Variants in DPYSL4 observed in about 807,000 individuals in gnomAD.
The protein encoded by DPYSL4 is dihydropyrimidinase-related protein 4.
In DPYSL4, 43 loss-of-function variants were observed where a neutral mutation model predicts 63.4. The observed-to-expected ratio is 0.68, with a 90% CI of 0.53 to 0.88. The LOEUF is 0.88. DPYSL4 is among the 40% of genes least tolerant of loss of function. The probability of loss-of-function intolerance (pLI) is 0.00; values close to 1 mark genes in which losing one functional copy is unlikely to be tolerated. For missense variants in DPYSL4, 733 were observed against 819.5 expected (o/e 0.89, Z 1.29); for synonymous variants, 353 against 331.7 (o/e 1.06, Z -0.70).
At chr10:132,197,124 TGGGGCAGGCACAGGGGCTGCC>T (rs2061956491) in intron 6 of DPYSL4, 23 bp downstream of exon 6, 4 of 1,472,858 alleles carry the variant, frequency 2.7e-6, no homozygotes, top group Non-Finnish European at 3.6e-6. Flanking sequence ...AGGGCTGCCG[TGGGGCAGGCACAGGGGCTGCC>T]GTGGGGCAGG....
At position 132,202,694 on chromosome 10, in the gene DPYSL4, G is replaced by A. The variant is rs2062035458; in HGVS notation, c.1330G>A (p.Ala444Thr). ...GGGAGTGGAGTGCCGGGGAGCGCCT[G>A]CCGTGGTCATAAGTCAGGGCCGAGT... ...FEGVECRGAP[A>T]VVISQGRVAL... Residue 444 changes from alanine to threonine, a missense_variant, in exon 12 of 14, where the codon GCC (alanine) becomes ACC (threonine). Ala to Thr is a moderately conservative substitution (Grantham distance 58, BLOSUM62 0). Transcript: ENST00000338492. 1.9e-6 allele frequency: 3 copies of A among 1,613,390 alleles called. No homozygotes were observed. The highest frequency in any genetic ancestry group is 1.7e-6 in the Non-Finnish European group (2 of 1,179,978).
Position 132,203,882 on chromosome 10 carries a change from G to A in DPYSL4, c.1582G>A (p.Val528Ile), listed in dbSNP as rs747631333. The change falls in exon 13 of 14, where the codon GTC becomes ATC. Residue 528 changes from valine to isoleucine, a missense_variant. Val to Ile is a conservative substitution (Grantham distance 29). Coordinates refer to ENST00000338492, the MANE Select transcript of DPYSL4 (RefSeq NM_006426.3). ...ARASCPGKIS[V>I]PPVRNLHQSG... Reference sequence around the variant, plus strand: ...CGCGTCCTGCCCAGGCAAGATCTCCGTCCCTCCTGTGCGCAACCTACATCA... The same window carrying A: ...CGCGTCCTGCCCAGGCAAGATCTCCATCCCTCCTGTGCGCAACCTACATCA... The A allele has an allele frequency of 3.7e-5, 59 of 1,612,528 alleles. 2 individuals carry two copies. Among genetic ancestry groups the A allele is most frequent in the South Asian group, 3.1e-4 (28 of 91,034 alleles).
At chr10:132,190,718 GA>G in intron 1 of DPYSL4, 28 bp from the exon 2 acceptor site, 2 of 1,601,060 alleles carry the variant, frequency 1.2e-6, no homozygotes, top group Non-Finnish European at 1.7e-6. Context: ...TCAGTTTGGA[GA>G]AAAATTACCC....
In DPYSL4 at chr10:132,198,702, C is replaced by T. The variant is rs1053037448; in HGVS notation, c.691-149C>T. ...AGGCCCAGAAGGTGGCGTGGGCAGGCCCAGGCACTGAGCCCGAGGCTGGGC... is the reference window on the plus strand; with the variant it reads ...AGGCCCAGAAGGTGGCGTGGGCAGGTCCAGGCACTGAGCCCGAGGCTGGGC... On this transcript the variant is annotated intron_variant, in intron 7 of 13. Coordinates refer to ENST00000338492, the MANE Select transcript of DPYSL4 (RefSeq NM_006426.3). 8.5e-6 allele frequency: 11 copies of T among 1,287,460 alleles called. No homozygotes were observed. The Admixed American group carries it at 1.7e-4, about 20-fold the overall frequency. 79.8% of individuals were successfully genotyped at this position (1,287,460 alleles called of 1,614,324 possible). A position where few individuals can be genotyped will look rare whatever the true frequency, so the allele number is the denominator to read the frequency against.
In DPYSL4 at chr10:132,203,496, G is replaced by A. The variant is rs1327851549; in HGVS notation, c.1462-266G>A. The A allele has an allele frequency of 9.8e-6, 5 of 509,812 alleles. No homozygotes were observed. The Admixed American group carries it at 9.9e-5, about 10-fold the overall frequency. The allele number at this position is 509,812 out of a possible 1,614,324, so 31.6% of individuals were successfully genotyped here. ...GCACCTGTGTTGGTAAGACTGAGGG[G>A]AGGGACGTTTGCACACACATGCAGA... On this transcript the variant is annotated intron_variant, in intron 12 of 13. Coordinates refer to ENST00000338492, the MANE Select transcript of DPYSL4 (RefSeq NM_006426.3).
At chr10:132,188,498 C>T (rs776171111) in intron 1 of DPYSL4, among the ~76,000 whole-genome samples, 30 of 152,180 alleles carry the variant, frequency 2.0e-4, no homozygotes, top group Non-Finnish European at 3.8e-4. Flanking sequence ...CTGATGCGGC[C>T]ACAGAGGCTC....
intron 1 of DPYSL4, among the ~76,000 whole-genome samples, chr10:132,187,444 G>A (rs1292530537): frequency 6.6e-6 from 1 of 151,696 alleles, no homozygotes; most frequent in Non-Finnish European, 1.5e-5. Flanking sequence ...CCGGGGCCGG[G>A]CGGCCTGTCC....
rs1226720393 is a variant in DPYSL4 at position 132,205,112 on chromosome 10, C to T, written c.*182C>T. 2.6e-5 allele frequency: 12 copies of T among 465,720 alleles called. No homozygotes were observed. The highest frequency in any genetic ancestry group is 4.1e-5 in the Non-Finnish European group (11 of 265,554). The allele number at this position is 465,720 out of a possible 1,614,324, so 28.8% of individuals were successfully genotyped here. A position where few individuals can be genotyped will look rare whatever the true frequency, so the allele number is the denominator to read the frequency against. On this transcript the variant is annotated 3_prime_UTR_variant, in exon 14 of 14. Coordinates refer to ENST00000338492, the MANE Select transcript of DPYSL4 (RefSeq NM_006426.3). ...GTCCCAGGTCCTGCTGCCAAGAGCC[C>T]CTCAAGAGAAGGGCTGAACCTGGGG...
rs1267368382 is a variant in DPYSL4 at position 132,205,625 on chromosome 10, C to T, written c.*695C>T. 1 of 152,368 alleles carries T rather than the reference C, an allele frequency of 6.6e-6. No individual in the cohort carries two copies. The highest frequency in any genetic ancestry group is 2.4e-5 in the African/African-American group (1 of 41,466). 9.4% of individuals were successfully genotyped at this position (152,368 alleles called of 1,614,324 possible). ...CCTCTTATTACAGATTGTGTATTTCCGTAGGCTTCTTAGTAGCAGCTTTGT... is the reference window on the plus strand; with the variant it reads ...CCTCTTATTACAGATTGTGTATTTCTGTAGGCTTCTTAGTAGCAGCTTTGT... On this transcript the variant is annotated 3_prime_UTR_variant, in exon 14 of 14. Transcript: ENST00000338492.
rs1205242197 is a variant in DPYSL4, at chr10:132,202,496, C to T, written c.1282-150C>T. 22 of 1,036,462 alleles carry T rather than the reference C, an allele frequency of 2.1e-5. 1 individual carries two copies. Among genetic ancestry groups the T allele is most frequent in the Admixed American group, 1.2e-4 (4 of 34,444 alleles). The allele number at this position is 1,036,462 out of a possible 1,614,324, so 64.2% of individuals were successfully genotyped here. On this transcript the variant is annotated intron_variant, in intron 11 of 13. Coordinates refer to ENST00000338492, the MANE Select transcript of DPYSL4 (RefSeq NM_006426.3). ...GGGGGGCATTCCTCCCGAGTTCCAACCCCTCAGTTCCAGCATCTTGCTAGG... is the reference window on the plus strand; with the variant it reads ...GGGGGGCATTCCTCCCGAGTTCCAATCCCTCAGTTCCAGCATCTTGCTAGG...
At chr10:132,203,251 C>T (rs1418429557) in intron 12 of DPYSL4, among the ~76,000 whole-genome samples, 1 of 150,532 alleles carries the variant, frequency 6.6e-6, no homozygotes, top group Non-Finnish European at 1.5e-5. Context: ...CTCCTCTCCA[C>T]ATGGGCTCTC....
intron 10 of DPYSL4, among the ~76,000 whole-genome samples, chr10:132,201,491 G>A (rs578247260): frequency 6.6e-6 from 1 of 152,228 alleles, no homozygotes; most frequent in Non-Finnish European, 1.5e-5. Context: ...CTGAACCTTC[G>A]TGGAAGCTTT....
intron 13 of DPYSL4, 22 bp from the exon 14 acceptor site, chr10:132,204,817 C>T (rs1160997263): frequency 3.1e-6 from 5 of 1,592,000 alleles, no homozygotes; most frequent in Non-Finnish European, 4.3e-6. Context: ...TTCTCCCCTG[C>T]CCATCTGTGC....
intron 4 of DPYSL4, 59 bp downstream of exon 4, chr10:132,195,068 C>T: frequency 6.5e-7 from 1 of 1,548,280 alleles, no homozygotes; most frequent in East Asian, 2.3e-5. Context: ...GAGCCTCTGC[C>T]CTGACCCTGT....
intron 12 of DPYSL4, among the ~76,000 whole-genome samples, chr10:132,203,385 G>C (rs2062047048): frequency 6.6e-6 from 1 of 152,182 alleles, no homozygotes; most frequent in African/African-American, 2.4e-5. Flanking sequence ...AGACCACCAG[G>C]TGCTTCACAC....
rs2062074395 is a variant in DPYSL4 at position 132,204,868 on chromosome 10, C to T, written c.1657C>T (p.Arg553Cys). ...GSQADDHIARRTAQKIMAPPG... is the reference protein window; with the variant it reads ...GSQADDHIARCTAQKIMAPPG... ...TCAGGCTGATGACCACATCGCCCGACGCACAGCACAGAAGATCATGGCACC... is the reference window on the plus strand; with the variant it reads ...TCAGGCTGATGACCACATCGCCCGATGCACAGCACAGAAGATCATGGCACC... The change falls in exon 14 of 14, where the codon CGC becomes TGC. Residue 553 changes from arginine (R) to cysteine (C), a missense_variant. Coordinates refer to ENST00000338492, the MANE Select transcript of DPYSL4 (RefSeq NM_006426.3). The T allele has an allele frequency of 5.0e-6, 8 of 1,612,658 alleles. No individual in the cohort carries two copies. Among genetic ancestry groups the T allele is most frequent in the East Asian group, 2.2e-5 (1 of 44,860 alleles).
chr10:132,194,752 T>C, intron 3 of DPYSL4, 93 bp from the exon 4 acceptor site: 1 of 1,518,766 alleles, frequency 6.6e-7, no homozygotes, highest in Non-Finnish European at 9.0e-7. Flanking sequence ...TCCTCTGGTC[T>C]CTTGGGAACA....
intron 6 of DPYSL4, among the ~76,000 whole-genome samples, chr10:132,197,377 C>T (rs556001303): frequency 3.5e-4 from 54 of 152,372 alleles, no homozygotes; most frequent in South Asian, 6.2e-4. Context: ...AGCAAAGTGT[C>T]AGCCCCAGGG....
chr10:132,199,215 G>A (rs1042023091), intron 8 of DPYSL4, among the ~76,000 whole-genome samples: 5 of 152,176 alleles, frequency 3.3e-5, no homozygotes, highest in African/African-American at 4.8e-5. Context: ...ACATGGGGAC[G>A]CTCATCCCAT....
Sources: allele counts gnomAD v4.1 joint callset (sites outside exome capture counted in the v4.1 genomes callset), GRCh38; gene constraint gnomAD v4.1.1; transcripts MANE v1.5; gene names NCBI Gene and HGNC (gene_info 2026-07-23, HGNC 2026-07-21).